TEK: variants seen among roughly 807,000 people sequenced by gnomAD.
The protein encoded by TEK is angiopoietin-1 receptor.
A neutral mutation model predicts 131.8 loss-of-function variants in TEK; 43 were observed. The observed-to-expected ratio is 0.33, with a 90% CI of 0.26 to 0.42. The LOEUF (loss-of-function observed/expected upper bound fraction) is 0.42, where lower values mean the gene tolerates loss of function less well. TEK is among the 10% of genes least tolerant of loss of function. The pLI, the probability that TEK is intolerant of heterozygous loss-of-function variation, is 1.00. For missense variants in TEK, 1,162 were observed against 1,384.4 expected (o/e 0.84, Z 2.55); for synonymous variants, 580 against 491.6 (o/e 1.18, Z -2.38).
intron 18 of TEK, among the ~76,000 whole-genome samples, chr9:27,214,868 T>C (rs1825761014): frequency 2.0e-5 from 3 of 152,104 alleles, no homozygotes; most frequent in Admixed American, 2.0e-4. Context: ...GTGATGCTTT[T>C]CTCCCTAACC....
intron 1 of TEK, among the ~76,000 whole-genome samples, chr9:27,148,054 G>A (rs1822991675): frequency 6.6e-6 from 1 of 152,082 alleles, no homozygotes. Context: ...TGAGGATTGA[G>A]TTATTATGTG....
intron 1 of TEK, among the ~76,000 whole-genome samples, chr9:27,140,175 G>T (rs980813645): frequency 6.6e-6 from 1 of 152,116 alleles, no homozygotes; most frequent in Admixed American, 6.5e-5. Context: ...TCGAAAACAT[G>T]TAGAAAATAA....
chr9:27,175,103 C>T (rs1230600983), intron 6 of TEK, among the ~76,000 whole-genome samples: 1 of 146,902 alleles, frequency 6.8e-6, no homozygotes, highest in Non-Finnish European at 1.5e-5. Context: ...CGTCATTTAG[C>T]ATTAGGTATA....
intron 1 of TEK, among the ~76,000 whole-genome samples, chr9:27,111,336 C>G (rs1484189048): frequency 6.6e-6 from 1 of 152,100 alleles, no homozygotes; most frequent in Non-Finnish European, 1.5e-5. Flanking sequence ...TAGTCTAAGC[C>G]TCCATGAGCA....
intron 6 of TEK, among the ~76,000 whole-genome samples, chr9:27,179,148 T>G (rs1432895328): frequency 2.0e-5 from 3 of 152,208 alleles, no homozygotes; most frequent in Non-Finnish European, 2.9e-5. Flanking sequence ...CCAACCTTTT[T>G]CCTACTTTTC....
At chr9:27,174,124 C>G (rs1444785837) in intron 6 of TEK, among the ~76,000 whole-genome samples, 1 of 152,090 alleles carries the variant, frequency 6.6e-6, no homozygotes, top group Non-Finnish European at 1.5e-5. Flanking sequence ...CATCTGACAT[C>G]CACTTTTCAG....
At chr9:27,199,243 A>G (rs1327228390) in intron 12 of TEK, among the ~76,000 whole-genome samples, 1 of 152,162 alleles carries the variant, frequency 6.6e-6, no homozygotes, top group Non-Finnish European at 1.5e-5. Flanking sequence ...ATAATATTCT[A>G]TCTTATGAAT....
rs370233303 is a variant in TEK at position 27,218,718 on chromosome 9, G to A, written c.3063-59G>A. On this transcript the variant is annotated intron_variant, in intron 19 of 22. Transcript: ENST00000380036. ...GTGGGTCTCCCTGGCTTTTGGGGCCGGAAAATGAGCGGTGACTCTGTTTGC... is the reference window on the plus strand; with the variant it reads ...GTGGGTCTCCCTGGCTTTTGGGGCCAGAAAATGAGCGGTGACTCTGTTTGC... The A allele has an allele frequency of 1.9e-4, 302 of 1,602,366 alleles. No individual in the cohort carries two copies. In the Admixed American group the frequency reaches 2.0e-3, roughly 11 times the overall value.
intron 1 of TEK, among the ~76,000 whole-genome samples, chr9:27,143,153 G>A (rs142022019): frequency 2.1e-4 from 32 of 152,286 alleles, no homozygotes; most frequent in African/African-American, 7.0e-4. Flanking sequence ...ATCTGTGTGC[G>A]TTGCTTGAAA....
chr9:27,113,900 C>T (rs1041865660), intron 1 of TEK, among the ~76,000 whole-genome samples: 1 of 152,214 alleles, frequency 6.6e-6, no homozygotes, highest in African/African-American at 2.4e-5. Flanking sequence ...ACAATCTACA[C>T]ATTCTTTCCT....
intron 21 of TEK, among the ~76,000 whole-genome samples, chr9:27,225,336 A>T (rs1389015208): frequency 6.6e-6 from 1 of 152,208 alleles, no homozygotes; most frequent in African/African-American, 2.4e-5. Flanking sequence ...CTGACTTCAA[A>T]CTATACTACA....
At chr9:27,122,506 A>G (rs1821830040) in intron 1 of TEK, among the ~76,000 whole-genome samples, 1 of 152,150 alleles carries the variant, frequency 6.6e-6, no homozygotes, top group Non-Finnish European at 1.5e-5. Context: ...GCAGGGATTA[A>G]AAGTGGGAAG....
At chr9:27,174,447 T>C (rs1386029744) in intron 6 of TEK, among the ~76,000 whole-genome samples, 1 of 152,252 alleles carries the variant, frequency 6.6e-6, no homozygotes, top group Non-Finnish European at 1.5e-5. Flanking sequence ...TTTTGATCTA[T>C]TAACCCAATA....
intron 19 of TEK, 61 bp from the exon 20 acceptor site, chr9:27,218,715 GC>G: frequency 6.3e-7 from 1 of 1,593,472 alleles, no homozygotes; most frequent in Non-Finnish European, 8.6e-7. Flanking sequence ...GGCTTTTGGG[GC>G]CGGAAAATGA....
intron 1 of TEK, among the ~76,000 whole-genome samples, chr9:27,120,908 T>G (rs1457313348): frequency 6.6e-6 from 1 of 152,162 alleles, no homozygotes; most frequent in Non-Finnish European, 1.5e-5. Flanking sequence ...ACTTAGAAAA[T>G]TTAATTACAA....
At chr9:27,214,204 T>C (rs776010386) in intron 18 of TEK, among the ~76,000 whole-genome samples, 2 of 152,252 alleles carry the variant, frequency 1.3e-5, no homozygotes, top group Non-Finnish European at 2.9e-5. Flanking sequence ...CTCATTCTGC[T>C]TTTGGTGCCC....
Position 27,183,504 on chromosome 9 carries a change from T to C in TEK, c.1076T>C (p.Ile359Thr), listed in dbSNP as rs372811397. 1.2e-5 allele frequency: 20 copies of C among 1,613,928 alleles called. 1 individual carries two copies. Among genetic ancestry groups the C allele is most frequent in the Non-Finnish European group, 1.7e-5 (20 of 1,179,850 alleles). The change falls in exon 8 of 23, where the codon ATA becomes ACA. Residue 359 changes from isoleucine (I) to threonine (T), a missense_variant. This residue lies in a region of TEK where 436 missense variants were observed against 539.1 expected (regional missense o/e 0.81). Transcript: ENST00000380036. ...TPKIVDLPDHIEVNSGKFNPI... is the reference protein window; with the variant it reads ...TPKIVDLPDHTEVNSGKFNPI... The stretch of plus-strand genomic sequence containing the variant: ...AAGATAGTGGATTTGCCAGATCATA[T>C]AGAAGTAAACAGTGGTAAATTTAAT...
chr9:27,195,611 C>T (rs1824977479), intron 11 of TEK: 2 of 455,536 alleles, frequency 4.4e-6, no homozygotes, highest in Non-Finnish European at 8.8e-6. Flanking sequence ...GACTTCATAT[C>T]TGGAATTTAA....
At chr9:27,115,085 T>C (rs1049002385) in intron 1 of TEK, among the ~76,000 whole-genome samples, 3 of 152,206 alleles carry the variant, frequency 2.0e-5, no homozygotes, top group Non-Finnish European at 4.4e-5. Flanking sequence ...TAAAATGTTG[T>C]GATAAATGAT....
Sources: gnomAD v4.1 joint callset for allele counts (sites outside exome capture counted in the v4.1 genomes callset) on GRCh38, gnomAD v4.1.1 for gene constraint, gnomAD v4.1.1 regional missense constraint, MANE v1.5 for transcripts, NCBI Gene and HGNC (gene_info 2026-07-23, HGNC 2026-07-21) for gene names.